DIAPH3: variants seen among roughly 807,000 people sequenced by gnomAD.
DIAPH3 encodes diaphanous related formin 3, also known as protein diaphanous homolog 3.
A neutral mutation model predicts 144.3 loss-of-function variants in DIAPH3; 117 were observed. The observed-to-expected ratio is 0.81, with a 90% CI of 0.70 to 0.95. The LOEUF (loss-of-function observed/expected upper bound fraction) is 0.95, where lower values mean the gene tolerates loss of function less well. Ranked by LOEUF, DIAPH3 falls within the 40% of genes least tolerant of loss-of-function variation. The probability of loss-of-function intolerance (pLI) is 0.00; values close to 1 mark genes in which losing one functional copy is unlikely to be tolerated. For missense variants in DIAPH3, 1,421 were observed against 1,412.7 expected (o/e 1.01, Z -0.09); for synonymous variants, 519 against 488.9 (o/e 1.06, Z -0.81).
intron 2 of DIAPH3, among the ~76,000 whole-genome samples, chr13:60,129,927 CTCTGTCTGTACATCAAGAAATATT>C (rs1297948096): frequency 1.3e-5 from 2 of 152,180 alleles, no homozygotes; most frequent in Non-Finnish European, 2.9e-5. Flanking sequence ...CACACCACTT[CTCTGTCTGTACATCAAGAAATATT>C]TTTTAAAGGG....
chr13:59,940,326 C>T (rs2048466630), intron 17 of DIAPH3, among the ~76,000 whole-genome samples: 1 of 152,072 alleles, frequency 6.6e-6, no homozygotes. Flanking sequence ...CTGAAATATC[C>T]CTTACTGTAA....
intron 27 of DIAPH3, among the ~76,000 whole-genome samples, chr13:59,698,203 T>C (rs342564): frequency 0.57 from 87,230 of 152,034 alleles, 25,855 homozygotes; most frequent in East Asian, 0.68. Context: ...GCTTTTGTCA[T>C]TTTTCCCTCA....
At chr13:59,793,636 A>T (rs924611811) in intron 25 of DIAPH3, among the ~76,000 whole-genome samples, 2 of 152,024 alleles carry the variant, frequency 1.3e-5, no homozygotes, top group African/African-American at 4.8e-5. Context: ...CTCTTCTGGG[A>T]TCTTCTTACT....
chr13:59,690,229 T>A (rs1182872617), intron 27 of DIAPH3, among the ~76,000 whole-genome samples: 1 of 152,142 alleles, frequency 6.6e-6, no homozygotes, highest in Non-Finnish European at 1.5e-5. Flanking sequence ...TGCATTTTTA[T>A]AGGGCTTTAT....
intron 27 of DIAPH3, among the ~76,000 whole-genome samples, chr13:59,720,241 T>A (rs1438291303): frequency 2.0e-5 from 3 of 152,126 alleles, no homozygotes; most frequent in African/African-American, 7.2e-5. Context: ...CATTATAATC[T>A]TATTGGGCCA....
chr13:59,890,179 G>A (rs189090503), intron 20 of DIAPH3, among the ~76,000 whole-genome samples: 5 of 152,052 alleles, frequency 3.3e-5, no homozygotes, highest in Non-Finnish European at 7.4e-5. Context: ...AGATACCCAC[G>A]TGGACTACTG....
At chr13:59,959,209 T>C (rs1234228518) in intron 17 of DIAPH3, among the ~76,000 whole-genome samples, 1 of 152,060 alleles carries the variant, frequency 6.6e-6, no homozygotes, top group Non-Finnish European at 1.5e-5. Flanking sequence ...AATAAATGAT[T>C]TAAGAAGTTG....
At chr13:60,019,993 G>A (rs1415086515) in intron 5 of DIAPH3, among the ~76,000 whole-genome samples, 1 of 151,986 alleles carries the variant, frequency 6.6e-6, no homozygotes, top group Non-Finnish European at 1.5e-5. Flanking sequence ...GAATTATAAT[G>A]GAATTAATCT....
intron 4 of DIAPH3, among the ~76,000 whole-genome samples, chr13:60,049,939 C>T (rs2670489): frequency 0.56 from 85,735 of 152,120 alleles, 24,783 homozygotes; most frequent in African/African-American, 0.62. Flanking sequence ...CCTGTAATTC[C>T]GGCAACTTGG....
chr13:59,777,444 C>T (rs1293976639), intron 25 of DIAPH3, among the ~76,000 whole-genome samples: 1 of 152,074 alleles, frequency 6.6e-6, no homozygotes, highest in African/African-American at 2.4e-5. Context: ...GAGGGAACTA[C>T]AAAATTCACC....
chr13:59,679,849 C>T (rs1286354703), intron 27 of DIAPH3, among the ~76,000 whole-genome samples: 2 of 151,958 alleles, frequency 1.3e-5, no homozygotes, highest in African/African-American at 4.8e-5. Context: ...TAAATTACAT[C>T]AAGTATTACG....
At chr13:59,674,928 A>G (rs2032559848) in intron 27 of DIAPH3, among the ~76,000 whole-genome samples, 1 of 152,250 alleles carries the variant, frequency 6.6e-6, no homozygotes, top group South Asian at 2.1e-4. Context: ...AATAGATACC[A>G]GGTCAGAAGT....
intron 27 of DIAPH3, among the ~76,000 whole-genome samples, chr13:59,678,482 A>T (rs913602248): frequency 6.6e-6 from 1 of 152,186 alleles, no homozygotes; most frequent in African/African-American, 2.4e-5. Flanking sequence ...CTTCCTTCAA[A>T]GGACAATTTT....
At chr13:59,844,105 TA>T (rs60906914) in intron 22 of DIAPH3, among the ~76,000 whole-genome samples, 84,178 of 144,828 alleles carry the variant, frequency 0.58, 24,960 homozygotes, top group Admixed American at 0.69. Flanking sequence ...TCCCAGAACT[TA>T]AAAAAAAAAA....
intron 4 of DIAPH3, among the ~76,000 whole-genome samples, chr13:60,088,511 G>T (rs187647541): frequency 2.1e-4 from 32 of 152,170 alleles, no homozygotes; most frequent in South Asian, 1.2e-3. Context: ...GGCCTCTCAG[G>T]ACTTCCCTAG....
chr13:59,794,655 A>C lies in DIAPH3; in HGVS notation c.3163+16133T>G, dbSNP rs536050216. On this transcript the variant is annotated intron_variant, in intron 25 of 27. Transcript: ENST00000400324. ...CTGATGCGAATTTTGATCACTATCTAATCCACTATAAATATCATTTATTTA... is the reference window on the plus strand; with the variant it reads ...CTGATGCGAATTTTGATCACTATCTCATCCACTATAAATATCATTTATTTA... Among the ~76,000 whole-genome samples, 7 of 152,194 alleles carry C rather than the reference A, an allele frequency of 4.6e-5. No individual in the cohort carries two copies. The South Asian group carries it at 1.5e-3, about 32-fold the overall frequency.
rs200191304 is a variant in DIAPH3, at chr13:60,136,954, T to A, written c.181-3965A>T. Reference sequence around the variant, plus strand: ...GACTCCGTCTCAAAAAAAAAAAAAATAATAATAAATAACCGTTCTGTCCAC... The same window carrying A: ...GACTCCGTCTCAAAAAAAAAAAAAAAAATAATAAATAACCGTTCTGTCCAC... On this transcript the variant is annotated intron_variant, in intron 1 of 27. Transcript: ENST00000400324. 1.2e-4 allele frequency among the ~76,000 whole-genome samples: 16 copies of A among 138,406 alleles called. No homozygotes were observed. The East Asian group carries it at 1.7e-3, about 15-fold the overall frequency. The allele number at this position is 138,406 out of a possible 152,430, so 90.8% of individuals were successfully genotyped here. A position where few individuals can be genotyped will look rare whatever the true frequency, so the allele number is the denominator to read the frequency against.
chr13:59,974,789 A>G (rs2050576294), intron 14 of DIAPH3, among the ~76,000 whole-genome samples: 2 of 152,116 alleles, frequency 1.3e-5, no homozygotes, highest in Admixed American at 1.3e-4. Flanking sequence ...GTGTAAAATA[A>G]TAGAGAGCAA....
intron 27 of DIAPH3, among the ~76,000 whole-genome samples, chr13:59,745,430 T>C (rs1280319304): frequency 6.6e-6 from 1 of 152,164 alleles, no homozygotes; most frequent in Non-Finnish European, 1.5e-5. Flanking sequence ...ACCTAGGGTG[T>C]TGAGTTTTCT....
Sources: allele counts gnomAD v4.1 joint callset (sites outside exome capture counted in the v4.1 genomes callset), GRCh38; gene constraint gnomAD v4.1.1; transcripts MANE v1.5; gene names NCBI Gene and HGNC (gene_info 2026-07-23, HGNC 2026-07-21).